The following IGSF11 variants were observed in gnomAD, a reference collection of about 807,000 sequenced individuals.
IGSF11 encodes the protein immunoglobulin superfamily member 11.
In IGSF11, 22 loss-of-function variants were observed where a neutral mutation model predicts 41.0. The ratio of observed to expected loss-of-function variants is 0.54; its 90% confidence interval spans 0.38 to 0.77. The LOEUF (loss-of-function observed/expected upper bound fraction) is 0.77, where lower values mean the gene tolerates loss of function less well. Among genes scored for constraint, IGSF11 ranks in the 30% least tolerant of loss-of-function variants. The pLI is 0.00. For synonymous variants in IGSF11, 219 were observed against 201.3 expected (o/e 1.09, Z -0.74); for missense variants, 444 against 530.8 (o/e 0.84, Z 1.61).
At chr3:119,076,021 C>T (rs1231022014) in intron 1 of IGSF11, among the ~76,000 whole-genome samples, 1 of 152,164 alleles carries the variant, frequency 6.6e-6, no homozygotes, top group Non-Finnish European at 1.5e-5. Context: ...TACTACAAGG[C>T]TACAGTAACC....
At chr3:118,936,471 C>T (rs1285201060) in intron 1 of IGSF11, among the ~76,000 whole-genome samples, 3 of 138,976 alleles carry the variant, frequency 2.2e-5, no homozygotes, top group Admixed American at 1.5e-4. Flanking sequence ...TGCACTACTG[C>T]AATCCAACCT....
chr3:119,086,749 G>GT (rs1402372732), intron 1 of IGSF11, among the ~76,000 whole-genome samples: 1 of 152,168 alleles, frequency 6.6e-6, no homozygotes, highest in Non-Finnish European at 1.5e-5. Context: ...CTTACAAGAA[G>GT]TCCTTAAGGG....
intron 1 of IGSF11, among the ~76,000 whole-genome samples, chr3:119,029,201 C>A (rs1940130615): frequency 6.7e-6 from 1 of 149,258 alleles, no homozygotes; most frequent in Admixed American, 6.7e-5. Context: ...CACACACACA[C>A]ACACACACGG....
intron 4 of IGSF11, among the ~76,000 whole-genome samples, chr3:118,920,524 G>T (rs1245529661): frequency 1.3e-5 from 2 of 151,984 alleles, no homozygotes; most frequent in Admixed American, 1.3e-4. Flanking sequence ...AGAACTGAAT[G>T]CCAATGAACC....
chr3:119,084,940 T>G (rs1230527729), intron 1 of IGSF11, among the ~76,000 whole-genome samples: 1 of 152,204 alleles, frequency 6.6e-6, no homozygotes, highest in Non-Finnish European at 1.5e-5. Context: ...CTGAGAGGGC[T>G]GAGTCACACA....
At chr3:118,910,925 T>A (rs1411806508) in intron 4 of IGSF11, among the ~76,000 whole-genome samples, 1 of 152,166 alleles carries the variant, frequency 6.6e-6, no homozygotes, top group Non-Finnish European at 1.5e-5. Context: ...AAGTAATATT[T>A]CTATCATTTA....
intron 1 of IGSF11, among the ~76,000 whole-genome samples, chr3:118,949,526 G>C (rs1179803457): frequency 6.6e-6 from 1 of 152,092 alleles, no homozygotes; most frequent in Non-Finnish European, 1.5e-5. Context: ...ACATCTAAGA[G>C]GCTTGAACAA....
At chr3:118,961,718 T>C (rs1945348794) in intron 1 of IGSF11, among the ~76,000 whole-genome samples, 1 of 152,202 alleles carries the variant, frequency 6.6e-6, no homozygotes, top group Non-Finnish European at 1.5e-5. Flanking sequence ...GGGTGCACTG[T>C]TTGCAATCAA....
intron 1 of IGSF11, among the ~76,000 whole-genome samples, chr3:119,020,952 G>A (rs908297493): frequency 6.6e-6 from 1 of 152,126 alleles, no homozygotes; most frequent in Admixed American, 6.5e-5. Context: ...ATATCATATT[G>A]AACATCTCTT....
At chr3:119,132,564 T>C (rs920456031) in intron 1 of IGSF11, among the ~76,000 whole-genome samples, 1 of 151,984 alleles carries the variant, frequency 6.6e-6, no homozygotes, top group Non-Finnish European at 1.5e-5. Flanking sequence ...AGCACGCAGA[T>C]TCATAAAGCA....
chr3:118,983,458 T>C (rs1363591782), intron 1 of IGSF11: 1 of 152,172 alleles, frequency 6.6e-6, no homozygotes, highest in African/African-American at 2.4e-5. Flanking sequence ...AGCTGTCATA[T>C]GAAAGAAGGG....
At chr3:119,015,164 GA>G (rs1412941753) in intron 1 of IGSF11, among the ~76,000 whole-genome samples, 1 of 152,140 alleles carries the variant, frequency 6.6e-6, no homozygotes, top group Non-Finnish European at 1.5e-5. Context: ...ACTATCTCCG[GA>G]AATAAGCATT....
chr3:119,031,493 T>C (rs1026437506), intron 1 of IGSF11, among the ~76,000 whole-genome samples: 1 of 152,230 alleles, frequency 6.6e-6, no homozygotes, highest in Non-Finnish European at 1.5e-5. Flanking sequence ...ATCTCTCCAC[T>C]ATGAAAGTGT....
At position 119,051,153 on chromosome 3, in the gene IGSF11, TAATA is replaced by T. The variant is rs200702102; in HGVS notation, c.49+53987_49+53990del. On this transcript the variant is annotated intron_variant, in intron 1 of 6. Coordinates refer to the IGSF11 transcript ENST00000354673. The stretch of plus-strand genomic sequence containing the variant: ...CTAAAACTTAAAGTATAATAATAAT[TAATA>T]AATAAATAAATAAATAAATAAATTT... Among the ~76,000 whole-genome samples, 1,276 of 149,172 alleles carry T rather than the reference TAATA, an allele frequency of 8.6e-3. 21 individuals carry two copies. Among genetic ancestry groups the T allele is most frequent in the African/African-American group, 0.029 (1,193 of 40,698 alleles).
At chr3:118,963,908 T>C (rs984356820) in intron 1 of IGSF11, among the ~76,000 whole-genome samples, 9 of 152,154 alleles carry the variant, frequency 5.9e-5, no homozygotes, top group Admixed American at 5.9e-4. Context: ...GCTTCCTGAG[T>C]GAGAATCACA....
intron 1 of IGSF11, among the ~76,000 whole-genome samples, chr3:119,050,851 A>T (rs549500499): frequency 0.036 from 5,407 of 152,060 alleles, 331 homozygotes; most frequent in African/African-American, 0.12. Context: ...TTGTAGGGAC[A>T]TGGATGAAAT....
At chr3:119,015,600 A>C (rs969976553) in intron 1 of IGSF11, among the ~76,000 whole-genome samples, 3 of 152,204 alleles carry the variant, frequency 2.0e-5, no homozygotes, top group Non-Finnish European at 4.4e-5. Flanking sequence ...GAGAAAAAAC[A>C]ATTTAGTACT....
At chr3:118,920,923 A>C (rs1468324997) in intron 4 of IGSF11, among the ~76,000 whole-genome samples, 2 of 152,114 alleles carry the variant, frequency 1.3e-5, no homozygotes, top group Admixed American at 6.6e-5. Context: ...CACTCCAAAC[A>C]CACTGGCCTC....
upstream of IGSF11, among the ~76,000 whole-genome samples, chr3:119,036,621 A>G (rs937093277): frequency 6.6e-6 from 1 of 152,136 alleles, no homozygotes; most frequent in Non-Finnish European, 1.5e-5. Context: ...AAGTTATCTG[A>G]TATATTTATC....
Sources: gnomAD v4.1 joint callset for allele counts (sites outside exome capture counted in the v4.1 genomes callset) on GRCh38, gnomAD v4.1.1 for gene constraint, MANE v1.5 for transcripts, NCBI Gene and HGNC (gene_info 2026-07-23, HGNC 2026-07-21) for gene names.